Variants in FBXO21 observed in about 807,000 individuals in gnomAD.
The protein encoded by FBXO21 is F-box protein 21, also known as F-box only protein 21.
FBXO21 carries 32 observed loss-of-function variants against 76.6 expected under a neutral mutation model. The observed-to-expected ratio is 0.42, with a 90% CI of 0.32 to 0.56. The LOEUF is 0.56. Ranked by LOEUF, FBXO21 falls within the 20% of genes least tolerant of loss-of-function variation. The pLI, the probability that FBXO21 is intolerant of heterozygous loss-of-function variation, is 0.16. For missense variants in FBXO21, 586 were observed against 797.3 expected (o/e 0.73, Z 3.19); for synonymous variants, 328 against 311.5 (o/e 1.05, Z -0.56).
intron 6 of FBXO21, 25 bp downstream of exon 6, chr12:117,174,180 C>A: frequency 6.4e-7 from 1 of 1,563,820 alleles, no homozygotes; most frequent in Non-Finnish European, 8.8e-7. Flanking sequence ...TTACTATACC[C>A]ATATATTACT....
chr12:117,154,536 C>G (rs777783456), intron 11 of FBXO21, among the ~76,000 whole-genome samples: 5 of 152,212 alleles, frequency 3.3e-5, no homozygotes, highest in African/African-American at 1.2e-4. Flanking sequence ...CAGGTGTACA[C>G]TACTCTGCCT....
intron 3 of FBXO21, among the ~76,000 whole-genome samples, chr12:117,181,568 T>TATCG (rs960844117): frequency 6.8e-6 from 1 of 146,652 alleles, no homozygotes; most frequent in East Asian, 2.0e-4. Context: ...TGAGACAGTC[T>TATCG]ATCGATCGAT....
Position 117,167,071 on chromosome 12 carries a change from G to C in FBXO21, c.1020C>G (p.Thr340=). The part of the protein sequence containing the change: ...LRWCQGAEGA[T]LDIFDYIYID... The stretch of plus-strand genomic sequence containing the variant: ...TGTAGATGTAGTCAAAGATGTCCAG[G>C]GTCGCCCTATCCAAAGAGCCAAATA... The change falls in exon 8 of 12, where the codon ACC becomes ACG. Residue 340 remains threonine (T), a synonymous_variant. Coordinates refer to ENST00000622495, the MANE Select transcript of FBXO21 (RefSeq NM_015002.3). 2 of 1,613,598 alleles carry C rather than the reference G, an allele frequency of 1.2e-6. No individual in the cohort carries two copies. The highest frequency in any genetic ancestry group is 1.1e-5 in the South Asian group (1 of 91,068).
intron 11 of FBXO21, chr12:117,155,481 G>A (rs576594798): frequency 1.5e-5 from 5 of 344,730 alleles, no homozygotes; most frequent in Admixed American, 4.2e-5. Flanking sequence ...GGGAGGAGCC[G>A]AGGGCAGGGT....
At chr12:117,185,273 C>T (rs1458725577) in intron 3 of FBXO21, among the ~76,000 whole-genome samples, 2 of 152,038 alleles carry the variant, frequency 1.3e-5, no homozygotes, top group Admixed American at 6.6e-5. Flanking sequence ...TGCATCTGAA[C>T]TCATCCAAGG....
chr12:117,153,632 G>A (rs972571096), intron 11 of FBXO21, among the ~76,000 whole-genome samples: 7 of 152,184 alleles, frequency 4.6e-5, no homozygotes, highest in Non-Finnish European at 8.8e-5. Context: ...AGACAGCCAC[G>A]TATCAGGCAT....
chr12:117,181,516 T>C (rs983034203), intron 3 of FBXO21, among the ~76,000 whole-genome samples: 1 of 152,216 alleles, frequency 6.6e-6, no homozygotes, highest in Non-Finnish European at 1.5e-5. Context: ...AGGTACAATG[T>C]ATGAATTTAT....
chr12:117,188,586 GGAAAGAAA>G (rs1956310533), intron 2 of FBXO21, among the ~76,000 whole-genome samples: 1 of 148,018 alleles, frequency 6.8e-6, no homozygotes, highest in South Asian at 2.1e-4. Context: ...GACATTTTGA[GGAAAGAAA>G]AAAAGAAAAC....
chr12:117,179,478 T>C (rs994167915), intron 3 of FBXO21, among the ~76,000 whole-genome samples: 1 of 152,184 alleles, frequency 6.6e-6, no homozygotes, highest in Non-Finnish European at 1.5e-5. Flanking sequence ...TGCATTTTAT[T>C]TGTTGAAGAA....
At chr12:117,158,149 G>A (rs1242382141) in intron 9 of FBXO21, 86 bp from the exon 10 acceptor site, 18 of 1,492,576 alleles carry the variant, frequency 1.2e-5, no homozygotes, top group South Asian at 2.3e-5. Flanking sequence ...ACCTACCTAC[G>A]TAACCTAACA....
At chr12:117,172,888 G>A (rs1956132110) in intron 6 of FBXO21, among the ~76,000 whole-genome samples, 1 of 152,200 alleles carries the variant, frequency 6.6e-6, no homozygotes, top group Non-Finnish European at 1.5e-5. Context: ...AAAGTAACAT[G>A]AAACTCAAAT....
At chr12:117,162,473 T>G (rs2062518) in intron 9 of FBXO21, among the ~76,000 whole-genome samples, 57,551 of 151,982 alleles carry the variant, frequency 0.38, 12,108 homozygotes, top group Admixed American at 0.55. Context: ...AAAAGAAAAA[T>G]AATATCTACC....
intron 10 of FBXO21, among the ~76,000 whole-genome samples, chr12:117,156,522 A>G (rs1426070656): frequency 1.3e-5 from 2 of 152,198 alleles, no homozygotes; most frequent in South Asian, 2.1e-4. Flanking sequence ...GAAAAGACAG[A>G]GAAGGAGAGA....
At chr12:117,174,889 C>A in intron 4 of FBXO21, 92 bp from the exon 5 acceptor site, 1 of 1,305,628 alleles carries the variant, frequency 7.7e-7, no homozygotes, top group East Asian at 2.4e-5. Context: ...GGACATGGCT[C>A]TTTACACCAT....
At chr12:117,172,738 C>T (rs1956129961) in intron 6 of FBXO21, 131 bp from the exon 7 acceptor site, 8 of 932,196 alleles carry the variant, frequency 8.6e-6, no homozygotes, top group Non-Finnish European at 1.2e-5. Context: ...GTGAGTATTT[C>T]ACTTATTTAG....
chr12:117,189,650 C>T lies in FBXO21; in HGVS notation c.240-288G>A, dbSNP rs980575581. On this transcript the variant is annotated intron_variant, in intron 1 of 11. Coordinates refer to ENST00000622495, the MANE Select transcript of FBXO21 (RefSeq NM_015002.3). ...GACAGTGAGCACTGATTGAGCGCCT[C>T]CTAGGAGCCGGGGCCCTGCGTGCGT... Among the ~76,000 whole-genome samples the T allele has an allele frequency of 3.9e-5, 6 of 152,212 alleles. No individual in the cohort carries two copies. In the East Asian group the frequency reaches 1.2e-3, roughly 29 times the overall value.
intron 2 of FBXO21, among the ~76,000 whole-genome samples, chr12:117,186,848 C>A (rs773897942): frequency 6.6e-6 from 1 of 152,184 alleles, no homozygotes; most frequent in African/African-American, 2.4e-5. Context: ...TAGCTCTGGC[C>A]GGCCATAGTG....
At chr12:117,189,510 A>G in intron 1 of FBXO21, 148 bp from the exon 2 acceptor site, 1 of 733,130 alleles carries the variant, frequency 1.4e-6, no homozygotes, top group South Asian at 1.7e-5. Context: ...CCCCACCAGC[A>G]TTCACTCACT....
At chr12:117,158,173 A>C (rs2279766) in intron 9 of FBXO21, 110 bp from the exon 10 acceptor site, 631,149 of 1,264,368 alleles carry the variant, frequency 0.5, 160,418 homozygotes, top group Admixed American at 0.68. Flanking sequence ...CAAAGGACCA[A>C]AAGGGGTGGC....
Sources: allele counts gnomAD v4.1 joint callset (sites outside exome capture counted in the v4.1 genomes callset), GRCh38; gene constraint gnomAD v4.1.1; transcripts MANE v1.5; gene names NCBI Gene and HGNC (gene_info 2026-07-23, HGNC 2026-07-21).